Variants in SERPINC1 observed in about 807,000 individuals in gnomAD.
SERPINC1 encodes the protein serpin family C member 1, also known as antithrombin-III.
Under a neutral mutation model 43.4 loss-of-function variants are expected in SERPINC1, and 12 were observed. That is an observed-to-expected ratio of 0.28 (90% CI 0.18 to 0.45). The LOEUF is 0.45. Ranked by LOEUF, SERPINC1 falls within the 20% of genes least tolerant of loss-of-function variation. SERPINC1 has a pLI of 1.00. For synonymous variants in SERPINC1, 210 were observed against 218.9 expected, an observed-to-expected ratio of 0.96 and a Z score of 0.36; for missense variants, 423 against 578.8, an observed-to-expected ratio of 0.73 and a Z score of 2.76.
rs577409356 is a variant in SERPINC1, at chr1:173,906,804, C to T, written c.1218+646G>A. The stretch of plus-strand genomic sequence containing the variant: ...AGCCCAGGAGTCTTCTTACTAGATG[C>T]TATCCATTTTCTTAAAACTTCTCCC... On this transcript the variant is annotated intron_variant, in intron 6 of 6. Transcript: ENST00000367698. 5.3e-5 allele frequency among the ~76,000 whole-genome samples: 8 copies of T among 152,120 alleles called. No individual in the cohort carries two copies. In the South Asian group the frequency reaches 1.7e-3, roughly 32 times the overall value.
At chr1:173,905,263 C>T (rs376685069) in intron 6 of SERPINC1, among the ~76,000 whole-genome samples, 69 of 152,278 alleles carry the variant, frequency 4.5e-4, no homozygotes, top group African/African-American at 1.6e-3. Flanking sequence ...ATTAATACAG[C>T]ACTCTTGTAA....
chr1:173,914,871 C>T lies in SERPINC1; in HGVS notation c.90G>A (p.Val30=). The T allele has an allele frequency of 6.2e-7, 1 of 1,614,188 alleles. No homozygotes were observed. Among genetic ancestry groups the T allele is most frequent in the Non-Finnish European group, 8.5e-7 (1 of 1,180,042 alleles). Residue 30 remains valine (V), a synonymous_variant, in exon 2 of 7, where the codon GTG becomes GTA. Transcript: ENST00000367698. ...SLLLIGFWDC[V]TCHGSPVDIC... is the part of the protein sequence containing the mutation. ...TGTCCACAGGGCTCCCGTGACAGGT[C>T]ACGCAGTCCCAGAAGCCAATGAGCA... is the stretch of plus-strand genomic sequence containing the variant.
intron 5 of SERPINC1, among the ~76,000 whole-genome samples, chr1:173,908,585 G>A (rs554287446): frequency 5.9e-4 from 89 of 151,426 alleles, no homozygotes; most frequent in African/African-American, 2.1e-3. Context: ...TTTAGTGATA[G>A]GACCTCACTC....
At chr1:173,912,691 TA>T (rs1657818928) in intron 2 of SERPINC1, among the ~76,000 whole-genome samples, 1 of 152,156 alleles carries the variant, frequency 6.6e-6, no homozygotes, top group African/African-American at 2.4e-5. Context: ...GCACTTTTTT[TA>T]GGGGGGGATT....
rs1657925990 is a variant in SERPINC1, at chr1:173,914,869, G to A, written c.92C>T (p.Thr31Ile). ...LLLIGFWDCV[T>I]CHGSPVDICT... is the part of the protein sequence containing the mutation. ...GATGTCCACAGGGCTCCCGTGACAG[G>A]TCACGCAGTCCCAGAAGCCAATGAG... is the stretch of plus-strand genomic sequence containing the variant. The change falls in exon 2 of 7, where the codon ACC becomes ATC. Residue 31 changes from threonine to isoleucine, a missense_variant. Thr to Ile is a moderately conservative substitution (Grantham distance 89). Transcript: ENST00000367698. The A allele has an allele frequency of 1.9e-6, 3 of 1,614,234 alleles. No homozygotes were observed. Among genetic ancestry groups the A allele is most frequent in the Non-Finnish European group, 2.5e-6 (3 of 1,180,048 alleles).
At chr1:173,915,557 T>C (rs1385691419) in intron 1 of SERPINC1, among the ~76,000 whole-genome samples, 2 of 151,954 alleles carry the variant, frequency 1.3e-5, no homozygotes, top group African/African-American at 4.8e-5. Context: ...ACACCTGTAG[T>C]CCCAAGCTAC....
chr1:173,915,022 T>C (rs1657931950), intron 1 of SERPINC1, 103 bp from the exon 2 acceptor site: 1 of 1,542,026 alleles, frequency 6.5e-7, no homozygotes, highest in African/African-American at 1.4e-5. Context: ...GCCCACCTGG[T>C]GTGGCCAAGA....
intron 6 of SERPINC1, among the ~76,000 whole-genome samples, 158 bp from the exon 7 acceptor site, chr1:173,904,223 C>T (rs1319475441): frequency 1.3e-5 from 2 of 152,240 alleles, no homozygotes; most frequent in African/African-American, 4.8e-5. Flanking sequence ...CCTACTTCTA[C>T]TCATTCTTTC....
At chr1:173,910,064 T>C (rs1300225544) in intron 4 of SERPINC1, 122 bp from the exon 5 acceptor site, 2 of 979,128 alleles carry the variant, frequency 2.0e-6, no homozygotes, top group Non-Finnish European at 3.1e-6. Flanking sequence ...ACTGGCGGGA[T>C]ATGCACAAAA....
intron 6 of SERPINC1, 148 bp from the exon 7 acceptor site, chr1:173,904,213 C>A: frequency 1.4e-6 from 1 of 729,694 alleles, no homozygotes; most frequent in South Asian, 1.6e-5. Flanking sequence ...CCTCCAGAAT[C>A]CTACTTCTAC....
At position 173,909,423 on chromosome 1, in the gene SERPINC1, C is replaced by T. The variant is rs926477851; in HGVS notation, c.1153+129G>A. 46 of 907,536 alleles carry T rather than the reference C, an allele frequency of 5.1e-5. No individual in the cohort carries two copies. In the Admixed American group the frequency reaches 1.1e-3, roughly 21 times the overall value. 56.2% of individuals were successfully genotyped at this position (907,536 alleles called of 1,614,324 possible). On this transcript the variant is annotated intron_variant, in intron 5 of 6. Coordinates refer to ENST00000367698, the MANE Select transcript of SERPINC1 (RefSeq NM_000488.4). ...AGGAAAAGAGATTTCCACAAATTAG[C>T]AGTAGAAACTAGGATCAGTATCCAG... is the stretch of plus-strand genomic sequence containing the variant.
intron 5 of SERPINC1, among the ~76,000 whole-genome samples, chr1:173,908,514 G>A (rs1477111926): frequency 2.8e-5 from 4 of 142,298 alleles, no homozygotes; most frequent in Admixed American, 2.1e-4. Context: ...AAAAAAAAAG[G>A]TCAATAAAGA....
At chr1:173,913,166 C>T (rs1452255067) in intron 2 of SERPINC1, among the ~76,000 whole-genome samples, 1 of 152,206 alleles carries the variant, frequency 6.6e-6, no homozygotes, top group Non-Finnish European at 1.5e-5. Flanking sequence ...TGAAGGGACT[C>T]ATGCCTCCCT....
chr1:173,913,205 T>C (rs1207511658), intron 2 of SERPINC1, among the ~76,000 whole-genome samples: 2 of 152,152 alleles, frequency 1.3e-5, no homozygotes, highest in Non-Finnish European at 2.9e-5. Flanking sequence ...CAAAGTGTGA[T>C]CCAACTTGAA....
chr1:173,910,300 C>A (rs1470554326), intron 4 of SERPINC1, among the ~76,000 whole-genome samples: 1 of 152,152 alleles, frequency 6.6e-6, no homozygotes, highest in Admixed American at 6.5e-5. Context: ...GCCAATCTGC[C>A]GGGCGCGGTG....
chr1:173,904,205 T>G, intron 6 of SERPINC1, 140 bp from the exon 7 acceptor site: 1 of 761,696 alleles, frequency 1.3e-6, no homozygotes, highest in Non-Finnish European at 2.3e-6. Context: ...TTGGATTCCC[T>G]CCAGAATCCT....
In SERPINC1 at chr1:173,917,316, C is replaced by T. The variant is rs372524963; in HGVS notation, c.-57G>A. 397 of 1,527,916 alleles carry T rather than the reference C, an allele frequency of 2.6e-4. No homozygotes were observed. Among genetic ancestry groups the T allele is most frequent in the Admixed American group, 4.2e-4 (25 of 59,590 alleles). The allele number at this position is 1,527,916 out of a possible 1,614,324, so 94.6% of individuals were successfully genotyped here. A position where few individuals can be genotyped will look rare whatever the true frequency, so the allele number is the denominator to read the frequency against. On this transcript the variant is annotated 5_prime_UTR_variant, in exon 1 of 7. Transcript: ENST00000367698. The stretch of plus-strand genomic sequence containing the variant: ...GGAGATAGTGTGATCTGAGGCAATC[C>T]GCCTGAAAACTGGTTCTTTCCTCTA...
At chr1:173,912,116 T>C in intron 2 of SERPINC1, 102 bp from the exon 3 acceptor site, 1 of 806,600 alleles carries the variant, frequency 1.2e-6, no homozygotes, top group Non-Finnish European at 2.2e-6. Flanking sequence ...GCCACCTCAG[T>C]TGTTAACTCC....
At chr1:173,906,224 T>A (rs1177486506) in intron 6 of SERPINC1, among the ~76,000 whole-genome samples, 1 of 152,198 alleles carries the variant, frequency 6.6e-6, no homozygotes, top group Non-Finnish European at 1.5e-5. Context: ...TCTCCAAAGA[T>A]AAAGCTCCCC....
Sources: gnomAD v4.1 joint callset for allele counts (sites outside exome capture counted in the v4.1 genomes callset) on GRCh38, gnomAD v4.1.1 for gene constraint, MANE v1.5 for transcripts, NCBI Gene and HGNC (gene_info 2026-07-23, HGNC 2026-07-21) for gene names.